The following RNF24 variants were observed in gnomAD, a reference collection of about 807,000 sequenced individuals.
RNF24 encodes ring finger protein 24.
In RNF24, 14 loss-of-function variants were observed where a neutral mutation model predicts 20.0. That is an observed-to-expected ratio of 0.70 (90% CI 0.46 to 1.10). The LOEUF (loss-of-function observed/expected upper bound fraction) is 1.10, where lower values mean the gene tolerates loss of function less well. RNF24 is among the 50% of genes least tolerant of loss of function. The pLI is 0.00. For synonymous variants in RNF24, 45 were observed against 61.1 expected, an observed-to-expected ratio of 0.74 and a Z score of 1.23; for missense variants, 124 against 177.6, an observed-to-expected ratio of 0.70 and a Z score of 1.71.
At chr20:3,976,806 T>G (rs1409349014) in intron 1 of RNF24, among the ~76,000 whole-genome samples, 3 of 152,244 alleles carry the variant, frequency 2.0e-5, no homozygotes, top group Non-Finnish European at 4.4e-5. Context: ...ACACTTATCT[T>G]GATGTACTGT....
At chr20:3,993,294 C>CA (rs1360112430) in intron 1 of RNF24, among the ~76,000 whole-genome samples, 2 of 147,078 alleles carry the variant, frequency 1.4e-5, no homozygotes, top group Non-Finnish European at 1.5e-5. Flanking sequence ...AAACTCACAT[C>CA]TTTTTTTTTT....
intron 4 of RNF24, among the ~76,000 whole-genome samples, chr20:3,936,001 T>A (rs774256413): frequency 2.0e-5 from 3 of 152,210 alleles, no homozygotes; most frequent in Non-Finnish European, 4.4e-5. Flanking sequence ...CCATCACCAT[T>A]TCTAGCCTGG....
rs1169800826 is a variant in RNF24, at chr20:3,933,172, G to T, written c.*891C>A. On this transcript the variant is annotated 3_prime_UTR_variant, in exon 6 of 6. Coordinates refer to ENST00000358395, the MANE Select transcript of RNF24 (RefSeq NM_001134337.3). Reference sequence around the variant, plus strand: ...AAAGGGTCGGCATTCCCTTCATCCAGCCGGGCCAGAAGTATGGGCCATTCT... The same window carrying T: ...AAAGGGTCGGCATTCCCTTCATCCATCCGGGCCAGAAGTATGGGCCATTCT... The T allele has an allele frequency of 5.2e-6, 2 of 384,950 alleles. No homozygotes were observed. Among genetic ancestry groups the T allele is most frequent in the East Asian group, 7.5e-5 (2 of 26,764 alleles). 23.8% of individuals were successfully genotyped at this position (384,950 alleles called of 1,614,324 possible).
Position 3,933,354 on chromosome 20 carries a change from G to A in RNF24, c.*709C>T, listed in dbSNP as rs2146934331. On this transcript the variant is annotated 3_prime_UTR_variant, in exon 6 of 6. Coordinates refer to ENST00000358395, the MANE Select transcript of RNF24 (RefSeq NM_001134337.3). ...CACTCAGGGACAGTGTGGACTCAGG[G>A]CCCACTCCCTGCTGGGGCTCTGGAC... 1 of 397,114 alleles carries A rather than the reference G, an allele frequency of 2.5e-6. No homozygotes were observed. The highest frequency in any genetic ancestry group is 1.4e-4 in the South Asian group (1 of 7,020). The allele number at this position is 397,114 out of a possible 1,614,324, so 24.6% of individuals were successfully genotyped here. A position where few individuals can be genotyped will look rare whatever the true frequency, so the allele number is the denominator to read the frequency against.
chr20:3,948,904 C>T (rs547408731), intron 2 of RNF24, among the ~76,000 whole-genome samples: 5 of 152,326 alleles, frequency 3.3e-5, no homozygotes, highest in Middle Eastern at 3.4e-3. Flanking sequence ...GACTGACATA[C>T]AGTATTCCAT....
chr20:3,957,287 G>C (rs1248520940), intron 2 of RNF24, among the ~76,000 whole-genome samples: 1 of 151,648 alleles, frequency 6.6e-6, no homozygotes, highest in Admixed American at 6.6e-5. Context: ...GACAGAGCAA[G>C]ACTGTCTCAA....
chr20:4,002,682 T>A (rs887860168), intron 1 of RNF24, among the ~76,000 whole-genome samples: 1 of 152,220 alleles, frequency 6.6e-6, no homozygotes, highest in South Asian at 2.1e-4. Flanking sequence ...ATGGAAAATA[T>A]CATTTTTTCC....
intron 1 of RNF24, among the ~76,000 whole-genome samples, chr20:3,973,500 CAAAAAAAAAAAA>C (rs56824542): frequency 9.9e-6 from 1 of 101,120 alleles, no homozygotes; most frequent in African/African-American, 3.9e-5. Flanking sequence ...GGAAGAATGA[CAAAAAAAAAAAA>C]AAAAAAAAAA....
rs565796975 is a variant in RNF24 at position 3,973,190 on chromosome 20, C to T, written c.-7-9166G>A. 6.9e-4 allele frequency among the ~76,000 whole-genome samples: 104 copies of T among 151,116 alleles called. 1 individual carries two copies. Among genetic ancestry groups the T allele is most frequent in the African/African-American group, 2.3e-3 (95 of 40,984 alleles). ...TGCACTCCAGCCTGGGTGACACACG[C>T]GAAACGCCATCTCAAAATAAAAAAA... On this transcript the variant is annotated intron_variant, in intron 1 of 5. Transcript: ENST00000358395.
intron 2 of RNF24, among the ~76,000 whole-genome samples, chr20:3,953,276 C>T (rs921039458): frequency 3.3e-5 from 5 of 151,964 alleles, no homozygotes; most frequent in Admixed American, 1.3e-4. Flanking sequence ...CTCAGCCTCC[C>T]GAGTAGCTGG....
At chr20:3,941,273 T>C (rs1448903011) in intron 4 of RNF24, among the ~76,000 whole-genome samples, 2 of 152,198 alleles carry the variant, frequency 1.3e-5, no homozygotes, top group Non-Finnish European at 2.9e-5. Flanking sequence ...GATGCCTGCC[T>C]TTTGAGTTTT....
chr20:3,999,781 AC>A (rs770299214), intron 1 of RNF24, among the ~76,000 whole-genome samples: 6 of 152,182 alleles, frequency 3.9e-5, no homozygotes, highest in Non-Finnish European at 8.8e-5. Context: ...AAACAAACAA[AC>A]AAAAAAAGTC....
chr20:3,980,552 C>A (rs1209334547), intron 1 of RNF24, among the ~76,000 whole-genome samples: 1 of 152,142 alleles, frequency 6.6e-6, no homozygotes, highest in African/African-American at 2.4e-5. Flanking sequence ...TATTTTCAGA[C>A]TACAGTTGAC....
At chr20:4,003,633 C>CTTTTTTTT (rs377227990) in intron 1 of RNF24, among the ~76,000 whole-genome samples, 9 of 84,432 alleles carry the variant, frequency 1.1e-4, no homozygotes, top group African/African-American at 1.9e-4. Context: ...TTAGAAACTC[C>CTTTTTTTT]TTTTTTTTTT....
intron 2 of RNF24, among the ~76,000 whole-genome samples, chr20:3,962,247 T>C (rs578177714): frequency 6.6e-6 from 1 of 152,158 alleles, no homozygotes; most frequent in Non-Finnish European, 1.5e-5. Flanking sequence ...TCCCAGCTAC[T>C]TGGGATGCTG....
chr20:4,014,879 C>T (rs778343349), intron 1 of RNF24, among the ~76,000 whole-genome samples: 7 of 152,118 alleles, frequency 4.6e-5, no homozygotes, highest in Non-Finnish European at 8.8e-5. Context: ...ATGAGTAAGC[C>T]GAGGGAAGAG....
chr20:3,975,345 G>T (rs909932493), intron 1 of RNF24, among the ~76,000 whole-genome samples: 1 of 152,050 alleles, frequency 6.6e-6, no homozygotes, highest in Non-Finnish European at 1.5e-5. Context: ...CTAGGATTAG[G>T]TAAAAAGCTC....
At chr20:4,010,668 A>T (rs1225676994) in intron 1 of RNF24, among the ~76,000 whole-genome samples, 1 of 152,196 alleles carries the variant, frequency 6.6e-6, no homozygotes, top group African/African-American at 2.4e-5. Context: ...ATGTCAATTG[A>T]TATTTTCATT....
At chr20:3,949,188 T>TA (rs2091053751) in intron 2 of RNF24, among the ~76,000 whole-genome samples, 1 of 152,172 alleles carries the variant, frequency 6.6e-6, no homozygotes, top group Admixed American at 6.5e-5. Flanking sequence ...GAGACCAGCC[T>TA]GGTCAACAGG....
Sources: gnomAD v4.1 joint callset for allele counts (sites outside exome capture counted in the v4.1 genomes callset) on GRCh38, gnomAD v4.1.1 for gene constraint, MANE v1.5 for transcripts, NCBI Gene and HGNC (gene_info 2026-07-23, HGNC 2026-07-21) for gene names.